NKAIN3: variants seen among roughly 807,000 people sequenced by gnomAD.
NKAIN3 encodes the protein sodium/potassium transporting ATPase interacting 3.
Under a neutral mutation model 30.2 loss-of-function variants are expected in NKAIN3, and 25 were observed. That is an observed-to-expected ratio of 0.83 (90% CI 0.60 to 1.16). NKAIN3 has a LOEUF of 1.16. Ranked by LOEUF, NKAIN3 falls within the 50% of genes most tolerant of loss-of-function variation. The probability of loss-of-function intolerance (pLI) is 0.00; values close to 1 mark genes in which losing one functional copy is unlikely to be tolerated. For synonymous variants in NKAIN3, 91 were observed against 89.6 expected (o/e 1.02, Z -0.09); for missense variants, 225 against 254.1 (o/e 0.89, Z 0.78).
chr8:62,919,226 AATTTTTTTTTTT>A (rs1822200171), intron 5 of NKAIN3, among the ~76,000 whole-genome samples: 1 of 88,444 alleles, frequency 1.1e-5, no homozygotes. Context: ...TTACTTTCAA[AATTTTTTTTTTT>A]TTTTTTTTTT....
rs1352543542 is a variant in NKAIN3, at chr8:62,975,613, A to G, written c.*10206A>G. On this transcript the variant is annotated 3_prime_UTR_variant, in exon 7 of 7. Coordinates refer to ENST00000623646, the MANE Select transcript of NKAIN3 (RefSeq NM_001304533.3). ...ATTTTGTTAATCTTTTCAAAAAACC[A>G]TCTCCTGTATTCATTGATTTTTTGA... is the stretch of plus-strand genomic sequence containing the variant. Among the ~76,000 whole-genome samples the G allele has an allele frequency of 2.0e-5, 3 of 152,218 alleles. No individual in the cohort carries two copies. The highest frequency in any genetic ancestry group is 2.0e-4 in the Admixed American group (3 of 15,286).
intron 1 of NKAIN3, among the ~76,000 whole-genome samples, chr8:62,470,258 G>A (rs1042416446): frequency 6.6e-6 from 1 of 152,062 alleles, no homozygotes; most frequent in African/African-American, 2.4e-5. Context: ...GTGGTACTTA[G>A]GGCTGCCAAT....
intron 3 of NKAIN3, among the ~76,000 whole-genome samples, chr8:62,710,581 T>C (rs1431279440): frequency 6.6e-6 from 1 of 152,200 alleles, no homozygotes; most frequent in East Asian, 1.9e-4. Flanking sequence ...AATGCCTTTT[T>C]CTACCCCTTT....
chr8:62,943,659 G>T (rs1014611209), intron 5 of NKAIN3, among the ~76,000 whole-genome samples: 17 of 150,966 alleles, frequency 1.1e-4, no homozygotes, highest in Non-Finnish European at 2.4e-4. Flanking sequence ...GTCAACAAGT[G>T]CATAAAGAAA....
At chr8:62,627,543 T>C (rs1351349366) in intron 3 of NKAIN3, among the ~76,000 whole-genome samples, 27 of 152,046 alleles carry the variant, frequency 1.8e-4, no homozygotes, top group Admixed American at 1.8e-3. Context: ...AGAAAGATTG[T>C]AGGATTCTGT....
intron 3 of NKAIN3, among the ~76,000 whole-genome samples, chr8:62,665,251 T>G (rs1813062707): frequency 1.3e-5 from 2 of 152,342 alleles, no homozygotes; most frequent in South Asian, 4.1e-4. Context: ...TTTAATGTTC[T>G]AAGAGACTCT....
intron 4 of NKAIN3, among the ~76,000 whole-genome samples, chr8:62,895,533 G>A (rs1303639144): frequency 7.9e-5 from 12 of 152,124 alleles, no homozygotes; most frequent in African/African-American, 2.4e-4. Flanking sequence ...GAAGCAGTAT[G>A]CACATTTAGC....
chr8:62,315,307 G>A (rs1034008837), intron 1 of NKAIN3, among the ~76,000 whole-genome samples: 1 of 152,162 alleles, frequency 6.6e-6, no homozygotes, highest in African/African-American at 2.4e-5. Flanking sequence ...AATGCCCTGT[G>A]AAATATTATT....
rs1810230860 is a variant in NKAIN3 at position 62,579,637 on chromosome 8, G to C, written c.153G>C (p.Leu51Phe). 2.5e-6 allele frequency: 4 copies of C among 1,608,924 alleles called. No individual in the cohort carries two copies. The African/African-American group carries it at 5.3e-5, about 22-fold the overall frequency. ...ACATAATAGTTGTCATATTGGGTTTGTTTGGGACCATTCAGTACAGACCTC... is the reference window on the plus strand; with the variant it reads ...ACATAATAGTTGTCATATTGGGTTTCTTTGGGACCATTCAGTACAGACCTC... ...FLHIIVVILG[L>F]FGTIQYRPRY... Residue 51 changes from leucine (L) to phenylalanine (F), a missense_variant, in exon 2 of 7, where the codon TTG becomes TTC. By Grantham distance (22) the Leu-to-Phe change is conservative. Coordinates refer to ENST00000623646, the MANE Select transcript of NKAIN3 (RefSeq NM_001304533.3).
intron 5 of NKAIN3, among the ~76,000 whole-genome samples, chr8:62,923,457 A>C (rs17190621): frequency 0.78 from 117,985 of 152,208 alleles, 46,633 homozygotes; most frequent in East Asian, 0.98. Flanking sequence ...CTTTATATTT[A>C]GAATTTAGTG....
intron 3 of NKAIN3, among the ~76,000 whole-genome samples, chr8:62,612,143 T>C (rs1192316557): frequency 6.6e-6 from 1 of 152,128 alleles, no homozygotes; most frequent in South Asian, 2.1e-4. Context: ...GATTATTAGA[T>C]TATTATTATA....
At position 62,843,790 on chromosome 8, in the gene NKAIN3, T is replaced by A. The variant is rs556440365; in HGVS notation, c.472-74663T>A. On this transcript the variant is annotated intron_variant, in intron 4 of 6. Transcript: ENST00000623646. The stretch of plus-strand genomic sequence containing the variant: ...CTAATAGAGTGCTTTTTCACGCATT[T>A]TTTTCTCATCTATGATAAGAGAGCT... 2.6e-5 allele frequency among the ~76,000 whole-genome samples: 4 copies of A among 152,198 alleles called. No homozygotes were observed. The East Asian group carries it at 7.7e-4, about 29-fold the overall frequency.
At chr8:62,826,489 G>C (rs1200011221) in intron 4 of NKAIN3, among the ~76,000 whole-genome samples, 2 of 152,018 alleles carry the variant, frequency 1.3e-5, no homozygotes, top group African/African-American at 4.8e-5. Flanking sequence ...AATTTCCTTG[G>C]AGCAAGAGTC....
intron 1 of NKAIN3, among the ~76,000 whole-genome samples, chr8:62,282,595 C>A (rs1211752863): frequency 1.3e-5 from 2 of 152,100 alleles, no homozygotes; most frequent in Non-Finnish European, 2.9e-5. Flanking sequence ...CTGTTTGATA[C>A]TTTTAAAAGA....
At chr8:62,715,091 G>C (rs1814852627) in intron 3 of NKAIN3, among the ~76,000 whole-genome samples, 1 of 151,994 alleles carries the variant, frequency 6.6e-6, no homozygotes, top group African/African-American at 2.4e-5. Context: ...CAGCAGAGGA[G>C]AGAGAGAGAA....
intron 3 of NKAIN3, among the ~76,000 whole-genome samples, chr8:62,664,969 C>A (rs1176988470): frequency 6.6e-6 from 1 of 152,200 alleles, no homozygotes; most frequent in East Asian, 1.9e-4. Context: ...CTCAACTCTT[C>A]TTTTAATTCT....
chr8:62,648,218 G>A, intron 3 of NKAIN3, among the ~76,000 whole-genome samples: 1 of 152,144 alleles, frequency 6.6e-6, no homozygotes, highest in African/African-American at 2.4e-5. Context: ...GATCCGTGTA[G>A]ATCCGTGGAT....
rs200511708 is a variant in NKAIN3 at position 62,913,082 on chromosome 8, A to G, written c.472-5371A>G. ...AGGCATGGAGCTGTCATCTCCTATG[A>G]TCTCCTATGATAACAATGCCTTCTG... On this transcript the variant is annotated intron_variant, in intron 4 of 6. Transcript: ENST00000623646. 7.9e-5 allele frequency among the ~76,000 whole-genome samples: 12 copies of G among 152,068 alleles called. No individual in the cohort carries two copies. In the East Asian group the frequency reaches 2.3e-3, roughly 29 times the overall value.
intron 1 of NKAIN3, among the ~76,000 whole-genome samples, chr8:62,490,063 A>G (rs1807021209): frequency 6.6e-6 from 1 of 152,258 alleles, no homozygotes; most frequent in African/African-American, 2.4e-5. Flanking sequence ...ATTTATTTAC[A>G]TTAAAAGTAG....
Sources: gnomAD v4.1 joint callset for allele counts (sites outside exome capture counted in the v4.1 genomes callset) on GRCh38, gnomAD v4.1.1 for gene constraint, MANE v1.5 for transcripts, NCBI Gene and HGNC (gene_info 2026-07-23, HGNC 2026-07-21) for gene names.